The following CUL3 variants were observed in gnomAD, a reference collection of about 807,000 sequenced individuals.
The protein encoded by CUL3 is cullin 3, also known as cullin-3.
A neutral mutation model predicts 89.1 loss-of-function variants in CUL3; 19 were observed. That is an observed-to-expected ratio of 0.21 (90% confidence interval 0.15 to 0.31). The LOEUF is 0.31. CUL3 is among the 10% of genes least tolerant of loss of function. The pLI is 1.00. For synonymous variants in CUL3, 351 were observed against 308.4 expected, an observed-to-expected ratio of 1.14 and a Z score of -1.45; for missense variants, 469 against 942.3, an observed-to-expected ratio of 0.50 and a Z score of 6.58.
intron 1 of CUL3, among the ~76,000 whole-genome samples, chr2:224,577,701 T>C (rs1286456074): frequency 6.6e-6 from 1 of 152,204 alleles, no homozygotes; most frequent in Non-Finnish European, 1.5e-5. Context: ...AATACTCCAG[T>C]GCAAAAGTAA....
chr2:224,555,205 A>C (rs72617131), intron 2 of CUL3, among the ~76,000 whole-genome samples: 6,714 of 152,246 alleles, frequency 0.044, 437 homozygotes, highest in East Asian at 0.26. Context: ...TTTTCAATAT[A>C]ATCTAAACAA....
At chr2:224,571,238 T>C (rs1273863740) in intron 1 of CUL3, among the ~76,000 whole-genome samples, 1 of 152,156 alleles carries the variant, frequency 6.6e-6, no homozygotes, top group Non-Finnish European at 1.5e-5. Flanking sequence ...AGACCCTCTA[T>C]ATTAAGAAAA....
At chr2:224,574,476 C>T (rs1156321674) in intron 1 of CUL3, among the ~76,000 whole-genome samples, 1 of 152,132 alleles carries the variant, frequency 6.6e-6, no homozygotes, top group African/African-American at 2.4e-5. Context: ...ATAATTATTA[C>T]TAGTGATTTT....
chr2:224,487,691 G>A (rs1691786443), intron 13 of CUL3, among the ~76,000 whole-genome samples: 1 of 152,144 alleles, frequency 6.6e-6, no homozygotes, highest in Admixed American at 6.5e-5. Flanking sequence ...ATATTAGACA[G>A]ATCAATGAGA....
chr2:224,474,226 T>C lies in CUL3; in HGVS notation c.*19A>G. ...GCGAAGAGTACAGTCCAAGAATAAA[T>C]CAAATTTCTGAACGCATTTTATGCT... On this transcript the variant is annotated 3_prime_UTR_variant, in exon 16 of 16. Transcript: ENST00000264414. 6.2e-7 allele frequency: 1 copy of C among 1,610,688 alleles called. No homozygotes were observed. Among genetic ancestry groups the C allele is most frequent in the Non-Finnish European group, 8.5e-7 (1 of 1,178,598 alleles).
intron 13 of CUL3, among the ~76,000 whole-genome samples, chr2:224,492,922 T>C (rs1359819519): frequency 6.6e-6 from 1 of 152,026 alleles, no homozygotes; most frequent in Non-Finnish European, 1.5e-5. Flanking sequence ...CACCAAGATT[T>C]GAGGACAAAG....
intron 8 of CUL3, 114 bp from the exon 9 acceptor site, chr2:224,503,936 C>A (rs952379653): frequency 1.3e-6 from 1 of 766,124 alleles, no homozygotes; most frequent in African/African-American, 1.8e-5. Context: ...ATCTGGTTGA[C>A]ATACATCAAA....
chr2:224,473,350 T>C lies in CUL3; in HGVS notation c.*895A>G. The C allele has an allele frequency of 5.1e-6, 1 of 194,446 alleles. No homozygotes were observed. The highest frequency in any genetic ancestry group is 8.1e-5 in the East Asian group (1 of 12,344). 12.0% of individuals were successfully genotyped at this position (194,446 alleles called of 1,614,324 possible). A position where few individuals can be genotyped will look rare whatever the true frequency, so the allele number is the denominator to read the frequency against. Reference sequence around the variant, plus strand: ...GACTGTATGTGCTTTTCAGAGGGGCTGAATTAAATATAACCAGCTGCCAAC... The same window carrying C: ...GACTGTATGTGCTTTTCAGAGGGGCCGAATTAAATATAACCAGCTGCCAAC... On this transcript the variant is annotated 3_prime_UTR_variant, in exon 16 of 16. Coordinates refer to ENST00000264414, the MANE Select transcript of CUL3 (RefSeq NM_003590.5).
chr2:224,562,406 G>A lies in CUL3; in HGVS notation c.67-4550C>T, dbSNP rs533566950. ...TAATCCCACCACTTTGGGAAGCCAAGGTGGACAGATCACTTGAGGTTGGGA... is the reference window on the plus strand; with the variant it reads ...TAATCCCACCACTTTGGGAAGCCAAAGTGGACAGATCACTTGAGGTTGGGA... On this transcript the variant is annotated intron_variant, in intron 1 of 15. Transcript: ENST00000264414. Among the ~76,000 whole-genome samples the A allele has an allele frequency of 1.5e-4, 23 of 152,234 alleles. No individual in the cohort carries two copies. In the South Asian group the frequency reaches 3.9e-3, roughly 26 times the overall value.
At chr2:224,529,106 T>G (rs541081402) in intron 3 of CUL3, among the ~76,000 whole-genome samples, 1 of 152,284 alleles carries the variant, frequency 6.6e-6, no homozygotes, top group African/African-American at 2.4e-5. Context: ...ATTATATTCA[T>G]TTTCATAGCT....
In CUL3 at chr2:224,522,598, C is replaced by T. The variant is rs984882845; in HGVS notation, c.379-7826G>A. Among the ~76,000 whole-genome samples the T allele has an allele frequency of 3.3e-5, 5 of 152,012 alleles. No homozygotes were observed. The South Asian group carries it at 6.2e-4, about 19-fold the overall frequency. ...TAAAATCTTTCTTGGGAGGCCGAGG[C>T]GGGCGGATCATGAGGTCAGGAGATC... On this transcript the variant is annotated intron_variant, in intron 3 of 15. Transcript: ENST00000264414.
rs750413561 is a variant in CUL3 at position 224,511,359 on chromosome 2, G to A, written c.878C>T (p.Thr293Ile). 4 of 1,595,814 alleles carry A rather than the reference G, an allele frequency of 2.5e-6. No individual in the cohort carries two copies. The highest frequency in any genetic ancestry group is 2.2e-5 in the South Asian group (2 of 89,118). Residue 293 changes from threonine to isoleucine, a missense_variant, in exon 6 of 16, where the codon ACA (threonine) becomes ATA (isoleucine). Thr to Ile is a moderately conservative substitution (Grantham distance 89). Transcript: ENST00000264414. ...TTTCAATCGGTAACACTTACCTTCT[G>A]TCTTTCCATTTTTCAACATATGTAC... Reference protein sequence around the residue: ...GLVHMLKNGKTEDLGCMYKLF... With the variant: ...GLVHMLKNGKIEDLGCMYKLF...
chr2:224,492,821 A>C (rs933804821), intron 13 of CUL3, among the ~76,000 whole-genome samples: 1 of 152,218 alleles, frequency 6.6e-6, no homozygotes, highest in African/African-American at 2.4e-5. Context: ...GAAAATGAGA[A>C]GTGACACTAC....
chr2:224,496,446 C>CAG (rs1692175408), intron 12 of CUL3, among the ~76,000 whole-genome samples: 1 of 152,090 alleles, frequency 6.6e-6, no homozygotes, highest in Admixed American at 6.6e-5. Flanking sequence ...AAAATGTGTG[C>CAG]ACACACACAC....
rs552925358 is a variant in CUL3 at position 224,585,176 on chromosome 2, GGGCGGC to G, written c.-173_-168del. 0.46 allele frequency: 118,921 copies of G among 260,364 alleles called. 29,629 individuals are homozygous for G. Among genetic ancestry groups the G allele is most frequent in the East Asian group, 0.63 (7,951 of 12,570 alleles). The allele number at this position is 260,364 out of a possible 1,614,324, so 16.1% of individuals were successfully genotyped here. A position where few individuals can be genotyped will look rare whatever the true frequency, so the allele number is the denominator to read the frequency against. ...CCCTGGGCAGCCGCGGCGGCGGCGGGGGCGGCGGCGGCGGCGGCGGCGGCTCGGACT... is the reference window on the plus strand; with the variant it reads ...CCCTGGGCAGCCGCGGCGGCGGCGGGGGCGGCGGCGGCGGCGGCTCGGACT... On this transcript the variant is annotated 5_prime_UTR_variant, in exon 1 of 16. Transcript: ENST00000264414.
rs2106215137 is a variant in CUL3 at position 224,511,413 on chromosome 2, G to A, written c.824C>T (p.Thr275Ile). The A allele has an allele frequency of 2.5e-6, 4 of 1,613,668 alleles. No homozygotes were observed. The highest frequency in any genetic ancestry group is 3.4e-6 in the Non-Finnish European group (4 of 1,179,852). ...ERELISKHMK[T>I]IVEMENSGLV... ...CCCAGAATTCTCCATTTCTACTATA[G>A]TCTTCATGTGCTTGGAAATGAGTTC... The change falls in exon 6 of 16, where the codon ACT becomes ATT. Residue 275 changes from threonine to isoleucine, a missense_variant. Physicochemically the swap from Thr to Ile is moderately conservative, Grantham distance 89. Around this residue, in one of 4 missense-constraint regions of CUL3, gnomAD observed 370 missense variants for 733.2 expected, o/e 0.50. Transcript: ENST00000264414.
chr2:224,473,513 C>T lies in CUL3; in HGVS notation c.*732G>A, dbSNP rs1574604054. The T allele has an allele frequency of 2.7e-5, 5 of 182,524 alleles. No individual in the cohort carries two copies. In the East Asian group the frequency reaches 4.5e-4, roughly 16 times the overall value. The allele number at this position is 182,524 out of a possible 1,614,324, so 11.3% of individuals were successfully genotyped here. A position where few individuals can be genotyped will look rare whatever the true frequency, so the allele number is the denominator to read the frequency against. On this transcript the variant is annotated 3_prime_UTR_variant, in exon 16 of 16. Coordinates refer to ENST00000264414, the MANE Select transcript of CUL3 (RefSeq NM_003590.5). ...GTACAACAGCAAAAAAATTATTGTA[C>T]AATTTACACATACTAAAATACTTTC...
At chr2:224,570,921 T>C (rs1006214557) in intron 1 of CUL3, among the ~76,000 whole-genome samples, 1 of 152,218 alleles carries the variant, frequency 6.6e-6, no homozygotes, top group African/African-American at 2.4e-5. Context: ...GATTAGCCTA[T>C]TTAAGTCCAT....
intron 1 of CUL3, among the ~76,000 whole-genome samples, chr2:224,580,775 G>GT (rs1165596551): frequency 5.3e-5 from 8 of 151,940 alleles, no homozygotes; most frequent in African/African-American, 1.9e-4. Context: ...AAAATATCCA[G>GT]TAAGTTCAAT....
Sources: allele counts gnomAD v4.1 joint callset (sites outside exome capture counted in the v4.1 genomes callset), GRCh38; gene constraint gnomAD v4.1.1; regional missense constraint gnomAD v4.1.1; transcripts MANE v1.5; gene names NCBI Gene and HGNC (gene_info 2026-07-23, HGNC 2026-07-21).